The following TICRR variants were observed in gnomAD, a reference collection of about 807,000 sequenced individuals.
The protein encoded by TICRR is TOPBP1 interacting checkpoint and replication regulator.
In TICRR, 132 loss-of-function variants were observed where a neutral mutation model predicts 178.1. The ratio of observed to expected loss-of-function variants is 0.74; its 90% confidence interval spans 0.64 to 0.86. The LOEUF is 0.86. Ranked by LOEUF, TICRR falls within the 40% of genes least tolerant of loss-of-function variation. The pLI, the probability that TICRR is intolerant of heterozygous loss-of-function variation, is 0.00. For synonymous variants in TICRR, 991 were observed against 900.7 expected, an observed-to-expected ratio of 1.10 and a Z score of -1.79; for missense variants, 2,587 against 2,334.3, an observed-to-expected ratio of 1.11 and a Z score of -2.23.
chr15:89,600,586 T>C lies in TICRR; in HGVS notation c.2054T>C (p.Val685Ala). ...TATGTAATAATTTTGTATTTTTAGGTGAACTGCCTGAATCAAGTAAAAAGT... is the reference window on the plus strand; with the variant it reads ...TATGTAATAATTTTGTATTTTTAGGCGAACTGCCTGAATCAAGTAAAAAGT... ...LKSKGTKELEVNCLNQVKSSL... is the reference protein window; with the variant it reads ...LKSKGTKELEANCLNQVKSSL... The change falls in exon 9 of 22, where the codon GTG (valine) becomes GCG (alanine). Residue 685 changes from valine (V) to alanine (A), a missense_variant and splice_region_variant. Val to Ala is a moderately conservative substitution (Grantham distance 64). Transcript: ENST00000268138. 6.6e-7 allele frequency: 1 copy of C among 1,515,956 alleles called. No homozygotes were observed. Among genetic ancestry groups the C allele is most frequent in the Non-Finnish European group, 9.0e-7 (1 of 1,117,154 alleles). The allele number at this position is 1,515,956 out of a possible 1,614,324, so 93.9% of individuals were successfully genotyped here.
Position 89,621,347 on chromosome 15 carries a change from A to T in TICRR, c.3155-46A>T, listed in dbSNP as rs775948430. On this transcript the variant is annotated intron_variant, in intron 18 of 21. Coordinates refer to ENST00000268138, the MANE Select transcript of TICRR (RefSeq NM_152259.4). The stretch of plus-strand genomic sequence containing the variant: ...GCTGTTTTAATAGTATTGGAAGAAC[A>T]GGAATTGAGAAAGAATTAAATATTG... 9 of 1,569,486 alleles carry T rather than the reference A, an allele frequency of 5.7e-6. No homozygotes were observed. The African/African-American group carries it at 9.6e-5, about 17-fold the overall frequency.
At position 89,613,721 on chromosome 15, in the gene TICRR, G is replaced by T. The variant is rs184528561; in HGVS notation, c.2870-2684G>T. ...ATTTTTGTTATACTTTTTAACTCTA[G>T]AATTTCTATTCGCTTTTTTTTTTTT... is the stretch of plus-strand genomic sequence containing the variant. On this transcript the variant is annotated intron_variant, in intron 15 of 21. Coordinates refer to ENST00000268138, the MANE Select transcript of TICRR (RefSeq NM_152259.4). Among the ~76,000 whole-genome samples, 430 of 114,378 alleles carry T rather than the reference G, an allele frequency of 3.8e-3. 1 individual carries two copies. The highest frequency in any genetic ancestry group is 0.014 in the African/African-American group (403 of 29,346). 75.0% of individuals were successfully genotyped at this position (114,378 alleles called of 152,430 possible).
Position 89,624,485 on chromosome 15 carries a change from G to A in TICRR, c.4175G>A (p.Arg1392Lys). ...GKRCRKTSDPRRSIVECQPDA... is the reference protein window; with the variant it reads ...GKRCRKTSDPKRSIVECQPDA... Reference sequence around the variant, plus strand: ...CGGTGTAGAAAGACCTCTGATCCCAGAAGGAGCATCGTGGAGTGTCAGCCT... The same window carrying A: ...CGGTGTAGAAAGACCTCTGATCCCAAAAGGAGCATCGTGGAGTGTCAGCCT... Residue 1392 changes from arginine to lysine, a missense_variant, in exon 20 of 22, where the codon AGA becomes AAA. By Grantham distance (26) the Arg-to-Lys change is conservative. Coordinates refer to ENST00000268138, the MANE Select transcript of TICRR (RefSeq NM_152259.4). The A allele has an allele frequency of 6.2e-7, 1 of 1,614,128 alleles. No individual in the cohort carries two copies. The highest frequency in any genetic ancestry group is 1.1e-5 in the South Asian group (1 of 91,078).
At chr15:89,577,345 G>A (rs903255187) in intron 1 of TICRR, among the ~76,000 whole-genome samples, 4 of 152,244 alleles carry the variant, frequency 2.6e-5, no homozygotes, top group African/African-American at 7.2e-5. Context: ...TTAAGTGCTA[G>A]GATAAGTATA....
intron 4 of TICRR, among the ~76,000 whole-genome samples, chr15:89,586,806 A>G (rs146808757): frequency 2.2e-3 from 335 of 152,190 alleles, no homozygotes; most frequent in African/African-American, 7.6e-3. Flanking sequence ...GCAAGGAGAG[A>G]GTAGGAGGGG....
At chr15:89,626,854 T>A (rs1320859587) in intron 21 of TICRR, 102 bp from the exon 22 acceptor site, 1 of 1,336,442 alleles carries the variant, frequency 7.5e-7, no homozygotes, top group East Asian at 2.3e-5. Flanking sequence ...GCTGATTTTC[T>A]TAAAGTCTGT....
chr15:89,621,327 T>G (rs1963421864), intron 18 of TICRR, 66 bp from the exon 19 acceptor site: 1 of 1,524,638 alleles, frequency 6.6e-7, no homozygotes. Flanking sequence ...GGCTGGCTGT[T>G]TTAATAGTAT....
intron 15 of TICRR, 162 bp downstream of exon 15, chr15:89,609,111 T>TTTTTC: frequency 2.0e-6 from 1 of 510,160 alleles, no homozygotes; most frequent in East Asian, 4.3e-5. Context: ...TTTTTTTTTT[T>TTTTTC]TTTTTTTTTT....
Position 89,601,519 on chromosome 15 carries a change from A to G in TICRR, c.2278A>G (p.Thr760Ala), listed in dbSNP as rs759426400. ...AGATTTGCTGCGCATGGTGTGTTTA[A>G]CTGAGGATTCAGCGTACCTAGCAGA... Reference protein sequence around the residue: ...VTDLLRMVCLTEDSAYLAEFL... With the variant: ...VTDLLRMVCLAEDSAYLAEFL... The change falls in exon 11 of 22, where the codon ACT (threonine) becomes GCT (alanine). Residue 760 changes from threonine to alanine, a missense_variant. Transcript: ENST00000268138. 3.1e-6 allele frequency: 5 copies of G among 1,614,088 alleles called. No individual in the cohort carries two copies. The African/African-American group carries it at 6.7e-5, about 22-fold the overall frequency.
chr15:89,589,433 G>T (rs1414307930), intron 4 of TICRR, among the ~76,000 whole-genome samples: 2 of 152,144 alleles, frequency 1.3e-5, no homozygotes, highest in Non-Finnish European at 1.5e-5. Flanking sequence ...TGCCCAGGCG[G>T]CCAGTGGAGG....
intron 5 of TICRR, 77 bp downstream of exon 5, chr15:89,592,253 C>A: frequency 7.7e-7 from 1 of 1,293,420 alleles, no homozygotes; most frequent in Non-Finnish European, 1.1e-6. Flanking sequence ...TCTTAACAGA[C>A]CACATTCTCT....
chr15:89,623,887 C>G lies in TICRR; in HGVS notation c.3577C>G (p.Pro1193Ala). 6.2e-7 allele frequency: 1 copy of G among 1,614,012 alleles called. No homozygotes were observed. The highest frequency in any genetic ancestry group is 8.5e-7 in the Non-Finnish European group (1 of 1,180,020). Residue 1193 changes from proline to alanine, a missense_variant, in exon 20 of 22, where the codon CCA (proline) becomes GCA (alanine). Transcript: ENST00000268138. ...AGGTACCTCTCTTGAAACGAAGACA[C>G]CAAGAACTCCTAAGAGGCAAGGTAC... ...GEGTSLETKT[P>A]RTPKRQGTQP...
rs1415905402 is a variant in TICRR, at chr15:89,625,297, G to A, written c.4987G>A (p.Asp1663Asn). ...PSSTPSPFQT[D>N]GVPWTPSPKH... Reference sequence around the variant, plus strand: ...TAGTACCCCCTCTCCATTTCAAACAGATGGGGTTCCTTGGACACCATCCCC... The same window carrying A: ...TAGTACCCCCTCTCCATTTCAAACAAATGGGGTTCCTTGGACACCATCCCC... The change falls in exon 20 of 22, where the codon GAT becomes AAT. Residue 1663 changes from aspartate (D) to asparagine (N), a missense_variant. Coordinates refer to ENST00000268138, the MANE Select transcript of TICRR (RefSeq NM_152259.4). 5.6e-6 allele frequency: 9 copies of A among 1,614,044 alleles called. No individual in the cohort carries two copies. Among genetic ancestry groups the A allele is most frequent in the Middle Eastern group, 3.3e-4 (2 of 6,062 alleles).
Position 89,585,912 on chromosome 15 carries a change from C to T in TICRR, c.1381C>T (p.His461Tyr). The change falls in exon 4 of 22, where the codon CAT becomes TAT. Residue 461 changes from histidine to tyrosine, a missense_variant. His to Tyr is a moderately conservative substitution (Grantham distance 83). Coordinates refer to ENST00000268138, the MANE Select transcript of TICRR (RefSeq NM_152259.4). ...DVVDSILNQT[H>Y]DSLADTASAA... ...TGTGGATAGTATATTGAATCAGACT[C>T]ATGATTCGCTTGCAGATACTGCTTC... 1 of 1,613,932 alleles carries T rather than the reference C, an allele frequency of 6.2e-7. No individual in the cohort carries two copies. Among genetic ancestry groups the T allele is most frequent in the Non-Finnish European group, 8.5e-7 (1 of 1,179,818 alleles).
chr15:89,586,394 A>AATTC (rs908089267), intron 4 of TICRR, among the ~76,000 whole-genome samples: 2 of 152,056 alleles, frequency 1.3e-5, no homozygotes, highest in East Asian at 1.9e-4. Context: ...ATATTTCTTT[A>AATTC]ATTCATTCAT....
At chr15:89,616,770 C>G (rs1264254825) in intron 16 of TICRR, among the ~76,000 whole-genome samples, 1 of 152,140 alleles carries the variant, frequency 6.6e-6, no homozygotes, top group Non-Finnish European at 1.5e-5. Context: ...ATAGATACTC[C>G]ACGGTTTTTA....
At position 89,625,965 on chromosome 15, in the gene TICRR, C is replaced by T. The variant is rs542805935; in HGVS notation, c.5506C>T (p.Arg1836Trp). 22 of 1,597,310 alleles carry T rather than the reference C, an allele frequency of 1.4e-5. No individual in the cohort carries two copies. Among genetic ancestry groups the T allele is most frequent in the South Asian group, 6.9e-5 (6 of 87,472 alleles). Residue 1836 changes from arginine to tryptophan, a missense_variant, in exon 21 of 22, where the codon CGG (arginine) becomes TGG (tryptophan). Coordinates refer to ENST00000268138, the MANE Select transcript of TICRR (RefSeq NM_152259.4). Reference sequence around the variant, plus strand: ...CACCCCACCTCCCAGCTGTGCCGTGCGGAGCTGCCTCTCTGCCAGTGCCCT... The same window carrying T: ...CACCCCACCTCCCAGCTGTGCCGTGTGGAGCTGCCTCTCTGCCAGTGCCCT... ...GSTPPPSCAV[R>W]SCLSASALQA...
At chr15:89,610,133 T>C (rs985712471) in intron 15 of TICRR, among the ~76,000 whole-genome samples, 4 of 152,224 alleles carry the variant, frequency 2.6e-5, no homozygotes, top group Non-Finnish European at 4.4e-5. Flanking sequence ...TTGAGACTTA[T>C]TTTGTGGCTT....
Position 89,623,603 on chromosome 15 carries a change from A to G in TICRR, c.3313-20A>G. The G allele has an allele frequency of 6.3e-7, 1 of 1,586,716 alleles. No homozygotes were observed. The highest frequency in any genetic ancestry group is 8.6e-7 in the Non-Finnish European group (1 of 1,169,354). On this transcript the variant is annotated intron_variant, in intron 19 of 21. Coordinates refer to ENST00000268138, the MANE Select transcript of TICRR (RefSeq NM_152259.4). ...TGAGTTATAATATTCAAGGACTGAA[A>G]TAAGCATTTCTCTTTTCAGACTCCC...
Sources: allele counts gnomAD v4.1 joint callset (sites outside exome capture counted in the v4.1 genomes callset), GRCh38; gene constraint gnomAD v4.1.1; transcripts MANE v1.5; gene names NCBI Gene and HGNC (gene_info 2026-07-23, HGNC 2026-07-21).